Variants in AUTS2 observed in about 807,000 individuals in gnomAD.
AUTS2 encodes activator of transcription and developmental regulator AUTS2.
In AUTS2, 17 loss-of-function variants were observed where a neutral mutation model predicts 112.4. That is an observed-to-expected ratio of 0.15 (90% CI 0.10 to 0.23). AUTS2 has a LOEUF of 0.23. AUTS2 is among the 10% of genes least tolerant of loss of function. The probability of loss-of-function intolerance (pLI) is 1.00; values close to 1 mark genes in which losing one functional copy is unlikely to be tolerated. For missense variants in AUTS2, 1,510 were observed against 1,701.6 expected (o/e 0.89, Z 1.98); for synonymous variants, 751 against 702.7 (o/e 1.07, Z -1.09).
chr7:70,592,295 T>G (rs550599519), intron 5 of AUTS2, among the ~76,000 whole-genome samples: 1 of 152,352 alleles, frequency 6.6e-6, no homozygotes, highest in South Asian at 2.1e-4. Flanking sequence ...TGCCCAGGTT[T>G]GAATTCAGCT....
intron 1 of AUTS2, among the ~76,000 whole-genome samples, chr7:69,723,681 A>G (rs903963367): frequency 1.3e-5 from 2 of 152,190 alleles, no homozygotes; most frequent in Non-Finnish European, 2.9e-5. Context: ...AGACCTTGCA[A>G]GAACCACTGG....
At chr7:69,973,678 T>C (rs1797945376) in intron 2 of AUTS2, among the ~76,000 whole-genome samples, 1 of 152,188 alleles carries the variant, frequency 6.6e-6, no homozygotes, top group South Asian at 2.1e-4. Flanking sequence ...TTTTTCTGTG[T>C]TAATTGATAT....
At chr7:69,956,310 C>T (rs959410809) in intron 2 of AUTS2, among the ~76,000 whole-genome samples, 1 of 152,158 alleles carries the variant, frequency 6.6e-6, no homozygotes, top group Non-Finnish European at 1.5e-5. Context: ...TACATATGCA[C>T]ATGCTCAAAT....
At chr7:70,647,125 A>T (rs771331624) in intron 5 of AUTS2, among the ~76,000 whole-genome samples, 20 of 152,136 alleles carry the variant, frequency 1.3e-4, no homozygotes, top group Admixed American at 2.6e-4. Flanking sequence ...CTCACTGTTG[A>T]CTTGTGTTCC....
intron 4 of AUTS2, among the ~76,000 whole-genome samples, chr7:70,243,313 A>G (rs1812730177): frequency 6.6e-6 from 1 of 151,534 alleles, no homozygotes; most frequent in African/African-American, 2.4e-5. Flanking sequence ...TATGTATACC[A>G]AACACAAATG....
At chr7:70,494,697 T>G (rs1339829075) in intron 5 of AUTS2, among the ~76,000 whole-genome samples, 1 of 152,134 alleles carries the variant, frequency 6.6e-6, no homozygotes, top group Admixed American at 6.5e-5. Flanking sequence ...CTGAAGTGAT[T>G]TATTGCTTAG....
In AUTS2 at chr7:69,598,778, A is replaced by AG. The variant is rs1043107243; in HGVS notation, c.-870dup. The stretch of plus-strand genomic sequence containing the variant: ...GACTGGAAAAAATATTTTTGTGAGG[A>AG]GGGGGGCGGGTGGCAGCGACAGGGT... On this transcript the variant is annotated 5_prime_UTR_variant, in exon 1 of 19. Coordinates refer to ENST00000342771, the MANE Select transcript of AUTS2 (RefSeq NM_015570.4). 6.6e-6 allele frequency: 1 copy of AG among 152,362 alleles called. No individual in the cohort carries two copies. The highest frequency in any genetic ancestry group is 1.5e-5 in the Non-Finnish European group (1 of 68,278). 9.4% of individuals were successfully genotyped at this position (152,362 alleles called of 1,614,324 possible).
chr7:69,897,675 T>G (rs1794808337), intron 1 of AUTS2, among the ~76,000 whole-genome samples: 1 of 151,992 alleles, frequency 6.6e-6, no homozygotes, highest in Non-Finnish European at 1.5e-5. Flanking sequence ...GGGAATCGCT[T>G]GAACTGGGGA....
intron 4 of AUTS2, among the ~76,000 whole-genome samples, chr7:70,172,583 C>G (rs1292237004): frequency 6.6e-6 from 1 of 152,128 alleles, no homozygotes; most frequent in Non-Finnish European, 1.5e-5. Flanking sequence ...TAACATTAAT[C>G]TCACCTTTAT....
chr7:70,496,026 C>A (rs11982049), intron 5 of AUTS2, among the ~76,000 whole-genome samples: 9,516 of 91,108 alleles, frequency 0.1, 546 homozygotes, highest in African/African-American at 0.2. Flanking sequence ...CACACCCCCC[C>A]CACACACATG....
intron 4 of AUTS2, among the ~76,000 whole-genome samples, chr7:70,308,830 A>G (rs1033525898): frequency 2.0e-5 from 3 of 152,120 alleles, no homozygotes; most frequent in Non-Finnish European, 4.4e-5. Context: ...GTGCACACTG[A>G]TGTTTCACTT....
At chr7:69,878,653 C>G (rs1793909674) in intron 1 of AUTS2, among the ~76,000 whole-genome samples, 1 of 152,170 alleles carries the variant, frequency 6.6e-6, no homozygotes, top group African/African-American at 2.4e-5. Flanking sequence ...GAATTTCTTT[C>G]CTTGGACAGG....
intron 4 of AUTS2, among the ~76,000 whole-genome samples, chr7:70,365,960 T>C (rs1026502497): frequency 8.5e-5 from 13 of 152,348 alleles, no homozygotes; most frequent in African/African-American, 3.1e-4. Context: ...GAGCCACTGA[T>C]TGGTTTAGGA....
chr7:70,101,889 CTT>C (rs1466725493), intron 2 of AUTS2, among the ~76,000 whole-genome samples: 1 of 152,114 alleles, frequency 6.6e-6, no homozygotes, highest in Non-Finnish European at 1.5e-5. Context: ...GTCTCTTACT[CTT>C]TTATCAAATA....
rs538886688 is a variant in AUTS2, at chr7:70,532,066, A to G, written c.690+96285A>G. 4.6e-5 allele frequency among the ~76,000 whole-genome samples: 7 copies of G among 152,264 alleles called. No homozygotes were observed. In the South Asian group the frequency reaches 8.3e-4, roughly 18 times the overall value. ...TGCTGGGACTTGGCTGGGACAGTTC[A>G]TCTCTGCTCCATGTGGCTCTTACCC... On this transcript the variant is annotated intron_variant, in intron 5 of 18. Transcript: ENST00000342771.
intron 4 of AUTS2, among the ~76,000 whole-genome samples, chr7:70,380,230 T>C (rs1389579433): frequency 1.3e-5 from 2 of 152,234 alleles, no homozygotes; most frequent in Non-Finnish European, 2.9e-5. Flanking sequence ...TCTTTTCTGA[T>C]TAATGTGGCT....
chr7:69,923,381 T>C (rs777673400), intron 2 of AUTS2, among the ~76,000 whole-genome samples: 23 of 152,232 alleles, frequency 1.5e-4, no homozygotes, highest in Non-Finnish European at 3.4e-4. Context: ...TCTTTATTAC[T>C]GTAGCTTGCT....
Position 70,787,298 on chromosome 7 carries a change from C to T in AUTS2, c.2398C>T (p.Pro800Ser). ...HEPWNRLHRT[P>S]PSFPTPPPWL... ...ACCCTGGAACCGGCTGCACCGAACGCCTCCGTCGTTCCCGACCCCTCCGCC... is the reference window on the plus strand; with the variant it reads ...ACCCTGGAACCGGCTGCACCGAACGTCTCCGTCGTTCCCGACCCCTCCGCC... Residue 800 changes from proline to serine, a missense_variant, in exon 18 of 19, where the codon CCT becomes TCT. Coordinates refer to ENST00000342771, the MANE Select transcript of AUTS2 (RefSeq NM_015570.4). The T allele has an allele frequency of 6.2e-7, 1 of 1,614,250 alleles. No homozygotes were observed. Among genetic ancestry groups the T allele is most frequent in the Non-Finnish European group, 8.5e-7 (1 of 1,180,042 alleles).
chr7:70,740,156 T>C (rs1437870106), intron 6 of AUTS2, among the ~76,000 whole-genome samples: 1 of 152,222 alleles, frequency 6.6e-6, no homozygotes, highest in Non-Finnish European at 1.5e-5. Flanking sequence ...AACACTTGGA[T>C]TGGTGTTGCC....
Sources: allele counts gnomAD v4.1 joint callset (sites outside exome capture counted in the v4.1 genomes callset), GRCh38; gene constraint gnomAD v4.1.1; transcripts MANE v1.5; gene names NCBI Gene and HGNC (gene_info 2026-07-23, HGNC 2026-07-21).